The following DNMT1 variants were observed in gnomAD, a reference collection of about 807,000 sequenced individuals.
DNMT1 encodes DNA methyltransferase 1.
Under a neutral mutation model 205.3 loss-of-function variants are expected in DNMT1, and 24 were observed. That is an observed-to-expected ratio of 0.12 (90% CI 0.08 to 0.16). DNMT1 has a LOEUF of 0.16. DNMT1 is among the 10% of genes least tolerant of loss of function. The pLI, the probability that DNMT1 is intolerant of heterozygous loss-of-function variation, is 1.00. For synonymous variants in DNMT1, 817 were observed against 839.8 expected, an observed-to-expected ratio of 0.97 and a Z score of 0.47; for missense variants, 1,293 against 2,177.7, an observed-to-expected ratio of 0.59 and a Z score of 8.09.
At position 10,140,806 on chromosome 19, in the gene DNMT1, C is replaced by T. The variant is rs1186008456; in HGVS notation, c.3498G>A (p.Gly1166=). 1 of 1,614,062 alleles carries T rather than the reference C, an allele frequency of 6.2e-7. No individual in the cohort carries two copies. Among genetic ancestry groups the T allele is most frequent in the Non-Finnish European group, 8.5e-7 (1 of 1,179,970 alleles). The change falls in exon 32 of 41, where the codon GGG becomes GGA. Residue 1166 remains glycine, a synonymous_variant. Coordinates refer to ENST00000359526, the MANE Select transcript of DNMT1 (RefSeq NM_001130823.3). The surrounding 1 kb of genome is among the most constrained non-coding windows in gnomAD (Gnocchi z 8.4). ...CTGCTTGGTGGAATCCCTCCGACAA[C>T]CCCCCGCAGCCAGAAAACACATCCA... The part of the protein sequence containing the change: ...RTLDVFSGCG[G]LSEGFHQAGI...
At chr19:10,135,373 CT>C (rs1378758455) in intron 39 of DNMT1, 7 of 354,156 alleles carry the variant, frequency 2.0e-5, no homozygotes, top group Non-Finnish European at 3.8e-5. Context: ...CATAGACTAA[CT>C]TGTTAAGCCA....
chr19:10,145,051 C>T (rs2038168782), intron 28 of DNMT1, among the ~76,000 whole-genome samples: 1 of 152,220 alleles, frequency 6.6e-6, no homozygotes, highest in South Asian at 2.1e-4. Context: ...TATGATACAA[C>T]CTACGCTACC....
At chr19:10,194,766 C>A (rs1005534865) in intron 1 of DNMT1, 54 bp downstream of exon 1, 22 of 1,545,562 alleles carry the variant, frequency 1.4e-5, no homozygotes, top group Non-Finnish European at 1.6e-5. Context: ...AGCGACCCCC[C>A]ACCCAGCGCC....
chr19:10,142,972 G>A (rs575759655), intron 29 of DNMT1: 349 of 153,746 alleles, frequency 2.3e-3, no homozygotes, highest in Non-Finnish European at 3.9e-3. Context: ...GGAAATCTTT[G>A]ATCTATGTTA....
chr19:10,194,282 C>T (rs1161056177), intron 1 of DNMT1, among the ~76,000 whole-genome samples: 1 of 152,228 alleles, frequency 6.6e-6, no homozygotes, highest in African/African-American at 2.4e-5. Context: ...GCCAGCCCAG[C>T]CCAGGCCCCG....
At chr19:10,141,035 C>A in intron 31 of DNMT1, 70 bp downstream of exon 31, 1 of 1,613,140 alleles carries the variant, frequency 6.2e-7, no homozygotes, top group East Asian at 2.2e-5. Context: ...TGGTTTTACA[C>A]TGAGGGATTC....
rs777416084 is a variant in DNMT1 at position 10,146,409 on chromosome 19, C to T, written c.2836G>A (p.Gly946Ser). Reference protein sequence around the residue: ...RVLYYSATKNGILYRVGDGVY... With the variant: ...RVLYYSATKNSILYRVGDGVY... ...CCATCACCAACTCGGTACAGGATGCCGTTCTTGGTGGCTGAGTAGTAGAGG... is the reference window on the plus strand; with the variant it reads ...CCATCACCAACTCGGTACAGGATGCTGTTCTTGGTGGCTGAGTAGTAGAGG... The change falls in exon 28 of 41, where the codon GGC (glycine) becomes AGC (serine). Residue 946 changes from glycine to serine, a missense_variant. This residue lies in a region of DNMT1 where 112 missense variants were observed against 116.6 expected (regional missense o/e 0.96). Transcript: ENST00000359526. This position sits in a 1 kb window ranked among gnomAD's most constrained non-coding sequence, Gnocchi z 4.4. 18 of 1,613,936 alleles carry T rather than the reference C, an allele frequency of 1.1e-5. No homozygotes were observed. The highest frequency in any genetic ancestry group is 8.0e-5 in the African/African-American group (6 of 74,896).
At chr19:10,155,797 AGAACATGAAG>A in intron 19 of DNMT1, 46 bp downstream of exon 19, 2 of 1,554,944 alleles carry the variant, frequency 1.3e-6, no homozygotes, top group Non-Finnish European at 1.8e-6. Context: ...CCCAGGAAGG[AGAACATGAAG>A]GCCCCTTTCA....
At chr19:10,170,416 A>C (rs978714806) in intron 9 of DNMT1, among the ~76,000 whole-genome samples, 56 of 152,158 alleles carry the variant, frequency 3.7e-4, no homozygotes, top group African/African-American at 1.2e-3. Context: ...AGGCGGGTGG[A>C]TCACCTGGGG....
chr19:10,183,076 T>TATAC (rs1426279519), intron 1 of DNMT1, among the ~76,000 whole-genome samples: 5 of 132,828 alleles, frequency 3.8e-5, no homozygotes, highest in East Asian at 5.9e-4. Context: ...TATACATATG[T>TATAC]GTGTGTATAT....
At position 10,177,516 on chromosome 19, in the gene DNMT1, C is replaced by T. The variant is rs1190056123; in HGVS notation, c.494-149G>A. The T allele has an allele frequency of 6.4e-6, 5 of 781,866 alleles. No homozygotes were observed. The Admixed American group carries it at 1.1e-4, about 17-fold the overall frequency. 48.4% of individuals were successfully genotyped at this position (781,866 alleles called of 1,614,324 possible). The stretch of plus-strand genomic sequence containing the variant: ...ATCTTTGCATTTTTATTCTAGTCAA[C>T]AACCAGCTTGCTAATGTTGGCAGTT... On this transcript the variant is annotated intron_variant, in intron 5 of 40. Transcript: ENST00000359526.
At chr19:10,177,483 G>A (rs2038958524) in intron 5 of DNMT1, 116 bp from the exon 6 acceptor site, 1 of 994,296 alleles carries the variant, frequency 1.0e-6, no homozygotes, top group Non-Finnish European at 1.5e-6. Context: ...AGGTTCTAAG[G>A]ACTAAGCATC....
At position 10,147,080 on chromosome 19, in the gene DNMT1, G is replaced by A. The variant is rs367674262; in HGVS notation, c.2721-556C>T. Among the ~76,000 whole-genome samples the A allele has an allele frequency of 1.3e-3, 191 of 152,156 alleles. 8 individuals carry two copies. In the South Asian group the frequency reaches 0.039, roughly 31 times the overall value. ...TTGAGACTAGCCTGGCCAACACAGT[G>A]AGACCCCGTCTCTACAAAAAATTTT... On this transcript the variant is annotated intron_variant, in intron 27 of 40. Transcript: ENST00000359526.
chr19:10,152,779 A>ACAACAG (rs1230552053), intron 22 of DNMT1, among the ~76,000 whole-genome samples: 2 of 151,734 alleles, frequency 1.3e-5, no homozygotes, highest in East Asian at 3.9e-4. Flanking sequence ...AACAACAACA[A>ACAACAG]CAACAACAAA....
At chr19:10,141,079 G>T in intron 31 of DNMT1, 26 bp downstream of exon 31, 2 of 1,613,796 alleles carry the variant, frequency 1.2e-6, no homozygotes, top group South Asian at 2.2e-5. Flanking sequence ...AGAATAACTT[G>T]AAAAGAAACT....
rs758396323 is a variant in DNMT1 at position 10,134,302 on chromosome 19, G to C, written c.4779C>G (p.Gly1593=). Residue 1593 remains glycine, a synonymous_variant, in exon 40 of 41, where the codon GGC becomes GGG. Transcript: ENST00000359526. ...TGGCCAGGGGCGGTGGCACGGCATT[G>C]CCCACCTGCAGGAGGGGAGAAGGGC... ...GNILDKHRQV[G]NAVPPPLAKA... The C allele has an allele frequency of 6.2e-7, 1 of 1,613,986 alleles. No individual in the cohort carries two copies. Among genetic ancestry groups the C allele is most frequent in the Non-Finnish European group, 8.5e-7 (1 of 1,180,020 alleles).
chr19:10,182,649 C>T (rs895148098), intron 1 of DNMT1, among the ~76,000 whole-genome samples: 2 of 150,978 alleles, frequency 1.3e-5, no homozygotes, highest in African/African-American at 4.9e-5. Flanking sequence ...TATATACATA[C>T]ATACATATAC....
intron 1 of DNMT1, among the ~76,000 whole-genome samples, chr19:10,188,202 G>A (rs2039232323): frequency 1.3e-5 from 2 of 152,138 alleles, no homozygotes; most frequent in South Asian, 4.1e-4. Flanking sequence ...CCGGCTGCAT[G>A]GCAGCTGGAG....
chr19:10,158,855 C>A (rs977306796), intron 17 of DNMT1, among the ~76,000 whole-genome samples: 1 of 152,224 alleles, frequency 6.6e-6, no homozygotes, highest in Non-Finnish European at 1.5e-5. Flanking sequence ...TAGGGTGCCC[C>A]ACCCCGGCCA....
Sources: allele counts gnomAD v4.1 joint callset (sites outside exome capture counted in the v4.1 genomes callset), GRCh38; gene constraint gnomAD v4.1.1; regional missense constraint gnomAD v4.1.1; non-coding constraint Gnocchi (gnomAD v3.1); transcripts MANE v1.5; gene names NCBI Gene and HGNC (gene_info 2026-07-23, HGNC 2026-07-21).